TSPAN19: variants seen among roughly 807,000 people sequenced by gnomAD.
TSPAN19 encodes the protein tetraspanin 19, also known as tetraspanin-19.
TSPAN19 carries 44 observed loss-of-function variants against 35.1 expected under a neutral mutation model. The observed-to-expected ratio is 1.25, with a 90% CI of 0.98 to 1.61. TSPAN19 has a LOEUF of 1.61. TSPAN19 is among the 40% of genes most tolerant of loss of function. The pLI is 0.00. For synonymous variants in TSPAN19, 79 were observed against 92.0 expected, an observed-to-expected ratio of 0.86 and a Z score of 0.81; for missense variants, 290 against 280.0, an observed-to-expected ratio of 1.04 and a Z score of -0.26.
At chr12:85,017,346 C>G in intron 7 of TSPAN19, 110 bp downstream of exon 7, 1 of 979,544 alleles carries the variant, frequency 1.0e-6, no homozygotes, top group Non-Finnish European at 1.5e-6. Context: ...ATGTAGCCAC[C>G]GTCAACAACA....
intron 5 of TSPAN19, among the ~76,000 whole-genome samples, chr12:85,020,151 G>T (rs1227738883): frequency 6.6e-6 from 1 of 151,642 alleles, no homozygotes; most frequent in Non-Finnish European, 1.5e-5. Context: ...GGTTTGTACT[G>T]TACTTTTCAT....
intron 3 of TSPAN19, among the ~76,000 whole-genome samples, chr12:85,029,128 T>C (rs1428828194): frequency 1.3e-5 from 2 of 152,094 alleles, no homozygotes; most frequent in Admixed American, 6.6e-5. Context: ...GAAATAAAGC[T>C]CCATGTGGAT....
chr12:85,015,543 C>CAT (rs1565763160), intron 8 of TSPAN19: 2 of 110,270 alleles, frequency 1.8e-5, no homozygotes, highest in African/African-American at 8.6e-5. Flanking sequence ...TGAACATATA[C>CAT]ACACACACAC....
At chr12:85,016,520 A>T (rs1051403223) in intron 7 of TSPAN19, 12 of 151,956 alleles carry the variant, frequency 7.9e-5, no homozygotes, top group African/African-American at 2.4e-4. Context: ...GAACACAGGC[A>T]CTGTGATACC....
At chr12:85,022,608 GCT>G in intron 5 of TSPAN19, among the ~76,000 whole-genome samples, 1 of 152,034 alleles carries the variant, frequency 6.6e-6, no homozygotes, top group Non-Finnish European at 1.5e-5. Context: ...GCAACAACTT[GCT>G]GTAAAGCAAG....
At chr12:85,014,640 A>G in intron 8 of TSPAN19, 85 bp from the exon 9 acceptor site, 1 of 978,750 alleles carries the variant, frequency 1.0e-6, no homozygotes, top group South Asian at 1.5e-5. Flanking sequence ...AGTCACCAAA[A>G]TGCGTATTGT....
chr12:85,031,171 T>A (rs1877668611), intron 1 of TSPAN19, among the ~76,000 whole-genome samples: 1 of 152,166 alleles, frequency 6.6e-6, no homozygotes, highest in Admixed American at 6.6e-5. Context: ...CTACAGGTTA[T>A]ATCTTCTACC....
At chr12:85,029,299 T>A (rs1047402461) in intron 3 of TSPAN19, among the ~76,000 whole-genome samples, 5 of 152,120 alleles carry the variant, frequency 3.3e-5, no homozygotes, top group African/African-American at 9.7e-5. Flanking sequence ...ATTGCATTTT[T>A]AAATTTTCTT....
intron 3 of TSPAN19, among the ~76,000 whole-genome samples, chr12:85,028,410 A>G (rs1231420746): frequency 1.3e-5 from 2 of 152,172 alleles, no homozygotes; most frequent in Admixed American, 1.3e-4. Flanking sequence ...AGTTAGATGT[A>G]TACACCCTGA....
chr12:85,014,577 A>G (rs772549753), intron 8 of TSPAN19, 22 bp from the exon 9 acceptor site: 2 of 1,542,594 alleles, frequency 1.3e-6, no homozygotes, highest in African/African-American at 2.8e-5. Context: ...GGGAACAATA[A>G]GAGATTAAAA....
chr12:85,016,901 A>C (rs532176784), intron 7 of TSPAN19: 1 of 151,974 alleles, frequency 6.6e-6, no homozygotes, highest in African/African-American at 2.4e-5. Context: ...AATACATCTT[A>C]AGATTAGAAT....
At chr12:85,020,540 G>T (rs1308079640) in intron 5 of TSPAN19, among the ~76,000 whole-genome samples, 1 of 151,838 alleles carries the variant, frequency 6.6e-6, no homozygotes, top group African/African-American at 2.4e-5. Context: ...TTAAGCTCAA[G>T]GAAATTGAGA....
At chr12:85,025,067 T>C (rs1257796410) in intron 4 of TSPAN19, among the ~76,000 whole-genome samples, 2 of 152,192 alleles carry the variant, frequency 1.3e-5, no homozygotes, top group African/African-American at 4.8e-5. Flanking sequence ...GATTTTTAAC[T>C]TCTACATGCA....
In TSPAN19 at chr12:85,027,920, T is replaced by G; in HGVS notation, c.243A>C (p.Glu81Asp). The change falls in exon 4 of 9, where the codon GAA becomes GAC. Residue 81 changes from glutamate to aspartate, a missense_variant. By Grantham distance (45) the Glu-to-Asp change is conservative. Transcript: ENST00000532498. ...CLLGYIGIHN[E>D]IRWLLIVYAV... ...GTACCACAATTAGGAGCCATCTGAT[T>G]TCGTTGTGAATTCCTATATAACCCA... 6.3e-7 allele frequency: 1 copy of G among 1,582,024 alleles called. No individual in the cohort carries two copies. The highest frequency in any genetic ancestry group is 1.2e-5 in the South Asian group (1 of 85,632).
In TSPAN19 at chr12:85,029,809, A is replaced by G; in HGVS notation, c.67-18T>C. 1 of 1,539,876 alleles carries G rather than the reference A, an allele frequency of 6.5e-7. No homozygotes were observed. Among genetic ancestry groups the G allele is most frequent in the South Asian group, 1.2e-5 (1 of 80,614 alleles). On this transcript the variant is annotated intron_variant, in intron 2 of 8. Transcript: ENST00000532498. Reference sequence around the variant, plus strand: ...CCAAGAACCTAAAAAAAGAAAGTCAATGCTTATTTTTTTGTAATTGCCTAT... The same window carrying G: ...CCAAGAACCTAAAAAAAGAAAGTCAGTGCTTATTTTTTTGTAATTGCCTAT...
intron 5 of TSPAN19, among the ~76,000 whole-genome samples, chr12:85,021,553 T>C (rs985247465): frequency 3.3e-5 from 5 of 152,020 alleles, no homozygotes; most frequent in Admixed American, 1.3e-4. Context: ...AGAATGCATA[T>C]AAATGACAAT....
intron 7 of TSPAN19, chr12:85,016,287 C>T: frequency 5.1e-6 from 1 of 195,256 alleles, no homozygotes; most frequent in Non-Finnish European, 1.0e-5. Context: ...ACTTACCCAC[C>T]AGCAATACCC....
At chr12:85,031,931 G>C (rs566268529) in intron 1 of TSPAN19, among the ~76,000 whole-genome samples, 3 of 151,948 alleles carry the variant, frequency 2.0e-5, no homozygotes, top group Non-Finnish European at 4.4e-5. Flanking sequence ...CCACTGGTCA[G>C]AAAAGGCCAA....
intron 1 of TSPAN19, among the ~76,000 whole-genome samples, chr12:85,031,837 C>G (rs1464790013): frequency 6.6e-6 from 1 of 151,962 alleles, no homozygotes; most frequent in Non-Finnish European, 1.5e-5. Flanking sequence ...CTTGGTCCCA[C>G]AGCAATACTC....
Sources: gnomAD v4.1 joint callset for allele counts (sites outside exome capture counted in the v4.1 genomes callset) on GRCh38, gnomAD v4.1.1 for gene constraint, MANE v1.5 for transcripts, NCBI Gene and HGNC (gene_info 2026-07-23, HGNC 2026-07-21) for gene names.